The following MGAT4C variants were observed in gnomAD, a reference collection of about 807,000 sequenced individuals.
MGAT4C encodes alpha-1,3-mannosyl-glycoprotein 4-beta-N-acetylglucosaminyltransferase C.
In MGAT4C, 19 loss-of-function variants were observed where a neutral mutation model predicts 40.1. That is an observed-to-expected ratio of 0.47 (90% confidence interval 0.33 to 0.70). The LOEUF (loss-of-function observed/expected upper bound fraction) is 0.70, where lower values mean the gene tolerates loss of function less well. Ranked by LOEUF, MGAT4C falls within the 30% of genes least tolerant of loss-of-function variation. The probability of loss-of-function intolerance (pLI) is 0.02; values close to 1 mark genes in which losing one functional copy is unlikely to be tolerated. For missense variants in MGAT4C, 491 were observed against 563.2 expected (o/e 0.87, Z 1.30); for synonymous variants, 181 against 187.1 (o/e 0.97, Z 0.27).
At chr12:86,109,503 T>C (rs1876832733) in intron 1 of MGAT4C, among the ~76,000 whole-genome samples, 1 of 152,084 alleles carries the variant, frequency 6.6e-6, no homozygotes, top group African/African-American at 2.4e-5. Flanking sequence ...TCAAAATTAA[T>C]GTTTTGAATA....
chr12:86,508,035 T>C (rs746254789), intron 2 of MGAT4C, among the ~76,000 whole-genome samples: 8 of 152,046 alleles, frequency 5.3e-5, no homozygotes, highest in South Asian at 2.1e-4. Flanking sequence ...TGTCTTTCCA[T>C]TTATGTGTGT....
At chr12:86,240,289 T>C (rs1269278086) in intron 1 of MGAT4C, among the ~76,000 whole-genome samples, 2 of 151,764 alleles carry the variant, frequency 1.3e-5, no homozygotes, top group Non-Finnish European at 2.9e-5. Flanking sequence ...TCTCTAGATA[T>C]ATATGCCCTG....
chr12:86,290,233 G>C (rs1013689754), intron 4 of MGAT4C, among the ~76,000 whole-genome samples: 8 of 152,108 alleles, frequency 5.3e-5, no homozygotes, highest in Non-Finnish European at 1.0e-4. Context: ...TTTCAGTAGA[G>C]ACGGGTTTGG....
intron 2 of MGAT4C, among the ~76,000 whole-genome samples, chr12:86,530,831 T>G (rs1958969242): frequency 6.6e-6 from 1 of 152,014 alleles, no homozygotes; most frequent in African/African-American, 2.4e-5. Context: ...TTTGAAGAAA[T>G]AATATATACT....
At chr12:86,645,740 T>C (rs1963523643) in intron 2 of MGAT4C, among the ~76,000 whole-genome samples, 1 of 151,786 alleles carries the variant, frequency 6.6e-6, no homozygotes, top group South Asian at 2.1e-4. Flanking sequence ...TTCATTCTTC[T>C]TGACAGCAGT....
chr12:86,211,111 T>C (rs1202867333), intron 1 of MGAT4C, among the ~76,000 whole-genome samples: 1 of 151,438 alleles, frequency 6.6e-6, no homozygotes, highest in Non-Finnish European at 1.5e-5. Flanking sequence ...CAAGGAAAAA[T>C]AGCTTCAAAC....
intron 3 of MGAT4C, among the ~76,000 whole-genome samples, chr12:86,361,926 G>A (rs571987648): frequency 6.6e-6 from 1 of 152,314 alleles, no homozygotes; most frequent in South Asian, 2.1e-4. Flanking sequence ...AAGACAGTGT[G>A]GCAATTCCTC....
intron 2 of MGAT4C, among the ~76,000 whole-genome samples, chr12:86,647,916 CGTTT>C (rs543590917): frequency 2.1e-3 from 320 of 151,978 alleles, no homozygotes; most frequent in Non-Finnish European, 2.6e-3. Flanking sequence ...TTTCTTTTAA[CGTTT>C]GTTTGTTTAA....
Position 86,500,585 on chromosome 12 carries a change from C to T in MGAT4C, c.-228-65320G>A, listed in dbSNP as rs906843607. Among the ~76,000 whole-genome samples, 4 of 151,720 alleles carry T rather than the reference C, an allele frequency of 2.6e-5. No individual in the cohort carries two copies. The East Asian group carries it at 5.8e-4, about 22-fold the overall frequency. On this transcript the variant is annotated intron_variant, in intron 2 of 7. Coordinates refer to the MGAT4C transcript ENST00000548651. The stretch of plus-strand genomic sequence containing the variant: ...TATTAAATACATTAATATATAAATG[C>T]AAATCATTCTGCAAAGTAAACTTCA...
At chr12:86,703,620 C>T (rs1937906131) in intron 2 of MGAT4C, among the ~76,000 whole-genome samples, 1 of 152,064 alleles carries the variant, frequency 6.6e-6, no homozygotes, top group Non-Finnish European at 1.5e-5. Flanking sequence ...TGCTATTGCA[C>T]ACATAATAGA....
intron 2 of MGAT4C, among the ~76,000 whole-genome samples, chr12:86,540,736 C>CAAAAAGAGAGAGAGAG (rs534305789): frequency 6.7e-6 from 1 of 149,242 alleles, no homozygotes; most frequent in African/African-American, 2.4e-5. Context: ...ACTCCATCTC[C>CAAAAAGAGAGAGAGAG]AGAAAGAGAG....
intron 1 of MGAT4C, among the ~76,000 whole-genome samples, chr12:86,787,205 C>T (rs970175589): frequency 2.0e-5 from 3 of 152,116 alleles, no homozygotes; most frequent in Non-Finnish European, 2.9e-5. Flanking sequence ...CGTGTGTACA[C>T]ATTGTTTAGC....
intron 2 of MGAT4C, among the ~76,000 whole-genome samples, chr12:86,636,678 T>G (rs541316152): frequency 5.3e-5 from 8 of 152,138 alleles, no homozygotes; most frequent in African/African-American, 1.9e-4. Flanking sequence ...AGAGAAATTT[T>G]CATGTTGTTT....
intron 3 of MGAT4C, among the ~76,000 whole-genome samples, chr12:86,409,556 T>C (rs1409706418): frequency 6.6e-6 from 1 of 151,872 alleles, no homozygotes; most frequent in Non-Finnish European, 1.5e-5. Context: ...TACAGAAAAA[T>C]TACTTCTACA....
At chr12:86,785,295 T>C (rs1226773512) in intron 1 of MGAT4C, among the ~76,000 whole-genome samples, 4 of 152,032 alleles carry the variant, frequency 2.6e-5, no homozygotes, top group Non-Finnish European at 5.9e-5. Flanking sequence ...ATCTATTCTT[T>C]ATTTTTGTGT....
chr12:86,624,589 C>T (rs1041767651), intron 2 of MGAT4C, among the ~76,000 whole-genome samples: 3 of 151,960 alleles, frequency 2.0e-5, no homozygotes, highest in Admixed American at 6.6e-5. Context: ...CATGAAAGTC[C>T]CTACACAATC....
intron 2 of MGAT4C, among the ~76,000 whole-genome samples, chr12:86,638,328 G>C (rs987690739): frequency 2.0e-5 from 3 of 151,808 alleles, no homozygotes; most frequent in Admixed American, 6.6e-5. Context: ...ACCCTGGACA[G>C]CTGACCACAA....
chr12:86,001,608 G>A (rs982218591), intron 2 of MGAT4C: 1 of 981,468 alleles, frequency 1.0e-6, no homozygotes, highest in Non-Finnish European at 1.2e-6. Context: ...AGGGCTGAGA[G>A]AGCCTGAGTA....
chr12:86,355,965 A>C (rs1281263822), intron 3 of MGAT4C, among the ~76,000 whole-genome samples: 5 of 152,170 alleles, frequency 3.3e-5, no homozygotes, highest in Non-Finnish European at 7.4e-5. Context: ...AATACATATG[A>C]TAGCCACTCC....
Sources: allele counts gnomAD v4.1 joint callset (sites outside exome capture counted in the v4.1 genomes callset), GRCh38; gene constraint gnomAD v4.1.1; transcripts MANE v1.5; gene names NCBI Gene and HGNC (gene_info 2026-07-23, HGNC 2026-07-21).